CCDC77: variants seen among roughly 807,000 people sequenced by gnomAD.
The protein encoded by CCDC77 is coiled-coil domain-containing protein 77.
A neutral mutation model predicts 66.8 loss-of-function variants in CCDC77; 56 were observed. The observed-to-expected ratio is 0.84, with a 90% CI of 0.68 to 1.05. The LOEUF (loss-of-function observed/expected upper bound fraction) is 1.05. Ranked by LOEUF, CCDC77 falls within the 50% of genes least tolerant of loss-of-function variation. The pLI is 0.00. For missense variants in CCDC77, 570 were observed against 576.8 expected (o/e 0.99, Z 0.12); for synonymous variants, 196 against 195.2 (o/e 1.00, Z -0.03).
chr12:408,406 AT>A lies in CCDC77; in HGVS notation c.-16-954del, dbSNP rs200904584. On this transcript the variant is annotated intron_variant, in intron 2 of 12. Coordinates refer to ENST00000239830, the MANE Select transcript of CCDC77 (RefSeq NM_032358.4). Reference sequence around the variant, plus strand: ...AAGAGCCTTTTAAAGTTTATAAGTAATTTTTTTTCTTTTGCTTAAGATAATA... The same window carrying A: ...AAGAGCCTTTTAAAGTTTATAAGTAATTTTTTTCTTTTGCTTAAGATAATA... Among the ~76,000 whole-genome samples, 1,406 of 152,148 alleles carry A rather than the reference AT, an allele frequency of 9.2e-3. 27 individuals carry two copies. Among genetic ancestry groups the A allele is most frequent in the African/African-American group, 0.031 (1,306 of 41,504 alleles).
At chr12:391,223 G>A (rs1003408607) in intron 1 of CCDC77, among the ~76,000 whole-genome samples, 6 of 152,060 alleles carry the variant, frequency 3.9e-5, no homozygotes, top group African/African-American at 7.2e-5. Flanking sequence ...AGGCCAAGGC[G>A]GGCAGATCAC....
chr12:409,635 G>A, intron 3 of CCDC77: 1 of 548,150 alleles, frequency 1.8e-6, no homozygotes, highest in Non-Finnish European at 3.3e-6. Context: ...TCCCACCTCA[G>A]CCTCCCAGAG....
intron 3 of CCDC77, 185 bp downstream of exon 3, chr12:409,606 T>G (rs753496158): frequency 3.9e-5 from 23 of 596,796 alleles, no homozygotes; most frequent in Non-Finnish European, 6.2e-5. Flanking sequence ...AGCCTTGACC[T>G]CCTGCACTCA....
chr12:391,042 T>C (rs1401405287), intron 1 of CCDC77, among the ~76,000 whole-genome samples: 2 of 152,214 alleles, frequency 1.3e-5, no homozygotes, highest in Non-Finnish European at 2.9e-5. Flanking sequence ...CATAAGACCA[T>C]CCCAGATTCA....
intron 1 of CCDC77, among the ~76,000 whole-genome samples, chr12:402,358 G>A (rs1305304435): frequency 6.6e-6 from 1 of 152,178 alleles, no homozygotes. Context: ...CAGTTCTTTT[G>A]CACTTAGATC....
intron 9 of CCDC77, 108 bp from the exon 10 acceptor site, chr12:438,227 A>G (rs1302217772): frequency 1.5e-5 from 11 of 757,188 alleles, no homozygotes; most frequent in Non-Finnish European, 1.9e-5. Flanking sequence ...CAAAATTTAT[A>G]TATCACACCA....
rs2137532738 is a variant in CCDC77, at chr12:402,856, G to C, written c.-71+1172G>C. The stretch of plus-strand genomic sequence containing the variant: ...GGTTCAGAAGAATGAGTGATCAAAT[G>C]ATGAATTTAAGTTGCCAACTCCCGG... On this transcript the variant is annotated intron_variant, in intron 1 of 12. Coordinates refer to ENST00000239830, the MANE Select transcript of CCDC77 (RefSeq NM_032358.4). 2.0e-5 allele frequency among the ~76,000 whole-genome samples: 3 copies of C among 152,306 alleles called. 1 individual carries two copies. Among genetic ancestry groups the C allele is most frequent in the Admixed American group, 2.0e-4 (3 of 15,298 alleles).
intron 4 of CCDC77, among the ~76,000 whole-genome samples, chr12:416,692 G>T (rs928055292): frequency 1.3e-5 from 2 of 151,340 alleles, no homozygotes; most frequent in Non-Finnish European, 2.9e-5. Flanking sequence ...TCACATTGTT[G>T]TGTGACTGAT....
chr12:441,697 G>A, intron 12 of CCDC77, 77 bp from the exon 13 acceptor site: 2 of 1,483,756 alleles, frequency 1.3e-6, no homozygotes, highest in Non-Finnish European at 1.8e-6. Flanking sequence ...TAGCATAGCT[G>A]TGTCTTTTTG....
At position 411,471 on chromosome 12, in the gene CCDC77, C is replaced by T. The variant is rs12578467; in HGVS notation, c.39-276C>T. Among the ~76,000 whole-genome samples the T allele has an allele frequency of 3.3e-3, 501 of 151,904 alleles. 13 individuals carry two copies. The East Asian group carries it at 0.065, about 20-fold the overall frequency. On this transcript the variant is annotated intron_variant, in intron 3 of 12. Coordinates refer to ENST00000239830, the MANE Select transcript of CCDC77 (RefSeq NM_032358.4). ...CTAGGATTACAGGTGTGAGCCACCA[C>T]GCCCGGCCAAGATTTTTTTTTTTTT... is the stretch of plus-strand genomic sequence containing the variant.
At chr12:393,348 A>G (rs1944783732) in intron 1 of CCDC77, among the ~76,000 whole-genome samples, 2 of 152,202 alleles carry the variant, frequency 1.3e-5, no homozygotes, top group Admixed American at 1.3e-4. Flanking sequence ...TCCTGGGCTC[A>G]GGGATCCTCC....
chr12:410,141 T>C (rs952790820), intron 3 of CCDC77, among the ~76,000 whole-genome samples: 12 of 152,238 alleles, frequency 7.9e-5, no homozygotes, highest in African/African-American at 2.9e-4. Flanking sequence ...TGAGCACATA[T>C]ATTAACTATA....
intron 5 of CCDC77, among the ~76,000 whole-genome samples, chr12:422,642 C>A (rs1298029587): frequency 6.6e-6 from 1 of 152,206 alleles, no homozygotes; most frequent in Non-Finnish European, 1.5e-5. Context: ...TATGTGTGTA[C>A]CACATTGTGT....
chr12:430,037 A>G (rs747876117), intron 6 of CCDC77, among the ~76,000 whole-genome samples: 4 of 152,186 alleles, frequency 2.6e-5, no homozygotes, highest in African/African-American at 9.6e-5. Flanking sequence ...CTTGTACACC[A>G]GGCTGGAGTG....
chr12:406,734 G>A (rs1006567893), intron 2 of CCDC77, among the ~76,000 whole-genome samples: 1 of 152,156 alleles, frequency 6.6e-6, no homozygotes, highest in Non-Finnish European at 1.5e-5. Context: ...ATCACCTGAG[G>A]TCAGGAGTTC....
At position 433,067 on chromosome 12, in the gene CCDC77, T is replaced by C. The variant is rs1252763626; in HGVS notation, c.673-107T>C. ...AAGAGGATTAGGATTGAGATGTTTTTGTTTGTGTTTGTTTTTTAATTTTTC... is the reference window on the plus strand; with the variant it reads ...AAGAGGATTAGGATTGAGATGTTTTCGTTTGTGTTTGTTTTTTAATTTTTC... On this transcript the variant is annotated intron_variant, in intron 8 of 12. Coordinates refer to ENST00000239830, the MANE Select transcript of CCDC77 (RefSeq NM_032358.4). 5.2e-6 allele frequency: 6 copies of C among 1,163,432 alleles called. No homozygotes were observed. In the East Asian group the frequency reaches 1.2e-4, roughly 23 times the overall value. The allele number at this position is 1,163,432 out of a possible 1,614,324, so 72.1% of individuals were successfully genotyped here. A position where few individuals can be genotyped will look rare whatever the true frequency, so the allele number is the denominator to read the frequency against.
chr12:414,870 C>T (rs958416243), intron 4 of CCDC77, among the ~76,000 whole-genome samples: 37 of 152,136 alleles, frequency 2.4e-4, no homozygotes, highest in Non-Finnish European at 4.4e-5. Context: ...GTGACGGTGT[C>T]CTCCTTGCCA....
rs1324290460 is a variant in CCDC77 at position 430,687 on chromosome 12, C to T, written c.534C>T (p.Ile178=). ...AGGTCACCATTCTCCAAAAGACTAT[C>T]CAGGCTGTAGGTGAATGTGAGCAGA... ...PHKVTILQKT[I]QAVGECEQSE... The change falls in exon 7 of 13, where the codon ATC becomes ATT. Residue 178 remains isoleucine, a synonymous_variant. Transcript: ENST00000239830. 2 of 1,613,806 alleles carry T rather than the reference C, an allele frequency of 1.2e-6. No individual in the cohort carries two copies. The highest frequency in any genetic ancestry group is 1.7e-6 in the Non-Finnish European group (2 of 1,179,692).
At chr12:402,502 G>A (rs1944915559) in intron 1 of CCDC77, among the ~76,000 whole-genome samples, 1 of 152,194 alleles carries the variant, frequency 6.6e-6, no homozygotes, top group African/African-American at 2.4e-5. Flanking sequence ...TTGTGTTCCA[G>A]CTAGAGGGAA....
Sources: gnomAD v4.1 joint callset for allele counts (sites outside exome capture counted in the v4.1 genomes callset) on GRCh38, gnomAD v4.1.1 for gene constraint, MANE v1.5 for transcripts, NCBI Gene and HGNC (gene_info 2026-07-23, HGNC 2026-07-21) for gene names.